ADAM17: variants seen among roughly 807,000 people sequenced by gnomAD.
ADAM17 encodes disintegrin and metalloproteinase domain-containing protein 17.
ADAM17 carries 39 observed loss-of-function variants against 96.7 expected under a neutral mutation model. The observed-to-expected ratio is 0.40, with a 90% CI of 0.31 to 0.53. ADAM17 has a LOEUF of 0.53. Ranked by LOEUF, ADAM17 falls within the 20% of genes least tolerant of loss-of-function variation. The pLI is 0.44. For missense variants in ADAM17, 777 were observed against 1,013.2 expected, an observed-to-expected ratio of 0.77 and a Z score of 3.17; for synonymous variants, 344 against 359.2, an observed-to-expected ratio of 0.96 and a Z score of 0.48.
Position 9,490,159 on chromosome 2 carries a change from GAA to G in ADAM17, c.*16_*17del. 1.3e-6 allele frequency: 2 copies of G among 1,574,286 alleles called. No individual in the cohort carries two copies. The highest frequency in any genetic ancestry group is 1.7e-6 in the Non-Finnish European group (2 of 1,151,968). On this transcript the variant is annotated 3_prime_UTR_variant, in exon 19 of 19. Coordinates refer to ENST00000310823, the MANE Select transcript of ADAM17 (RefSeq NM_003183.6). ...AAAAATATTTTGCACACTTAAGTCA[GAA>G]GAGCTGAGAACTAAATTAGCACTCT...
At chr2:9,534,788 G>T (rs899047498) in intron 4 of ADAM17, among the ~76,000 whole-genome samples, 1 of 152,036 alleles carries the variant, frequency 6.6e-6, no homozygotes, top group Non-Finnish European at 1.5e-5. Flanking sequence ...TCTATTTTCC[G>T]AATTTTGCAA....
Position 9,509,662 on chromosome 2 carries a change from A to T in ADAM17, c.1344+317T>A, listed in dbSNP as rs189052212. The stretch of plus-strand genomic sequence containing the variant: ...TGACAACTTGTAAATGAAATGACAA[A>T]TTTTTAACATAAAGCCTGAGCCCAC... On this transcript the variant is annotated intron_variant, in intron 11 of 18. Transcript: ENST00000310823. 4.9e-3 allele frequency among the ~76,000 whole-genome samples: 748 copies of T among 152,320 alleles called. 3 individuals are homozygous for T. The highest frequency in any genetic ancestry group is 6.0e-3 in the Non-Finnish European group (410 of 68,022).
chr2:9,517,858 CA>C (rs754771839), intron 10 of ADAM17, 42 bp downstream of exon 10: 8 of 1,354,026 alleles, frequency 5.9e-6, no homozygotes. Flanking sequence ...GGTTCTACTA[CA>C]ATAAACTCTA....
chr2:9,540,104 T>C (rs2125038578), intron 2 of ADAM17, among the ~76,000 whole-genome samples: 1 of 152,334 alleles, frequency 6.6e-6, no homozygotes, highest in African/African-American at 2.4e-5. Context: ...GAGAAATATG[T>C]AAGGCTATGG....
At chr2:9,538,431 G>C (rs1254116177) in intron 2 of ADAM17, among the ~76,000 whole-genome samples, 1 of 152,144 alleles carries the variant, frequency 6.6e-6, no homozygotes, top group Non-Finnish European at 1.5e-5. Flanking sequence ...AAAGGGAAAA[G>C]ACAATAGAAC....
intron 1 of ADAM17, among the ~76,000 whole-genome samples, chr2:9,550,795 C>T (rs998775631): frequency 2.7e-5 from 4 of 150,712 alleles, no homozygotes; most frequent in Non-Finnish European, 5.9e-5. Flanking sequence ...CAGTGGTTCA[C>T]GTCTGTAATC....
intron 4 of ADAM17, 56 bp downstream of exon 4, chr2:9,535,778 G>A: frequency 8.4e-7 from 1 of 1,196,604 alleles, no homozygotes; most frequent in South Asian, 1.4e-5. Context: ...GAACTGAGCA[G>A]CTTTTTGAAA....
chr2:9,550,250 T>G (rs749059337), intron 1 of ADAM17, among the ~76,000 whole-genome samples: 2 of 152,082 alleles, frequency 1.3e-5, no homozygotes, highest in Non-Finnish European at 2.9e-5. Flanking sequence ...TAAAGGAGGA[T>G]AGAGTATGAG....
chr2:9,522,416 C>T (rs1270413595), intron 7 of ADAM17: 2 of 599,736 alleles, frequency 3.3e-6, no homozygotes, highest in Non-Finnish European at 3.1e-6. Context: ...GTACTGTGTA[C>T]ATGTTACCTA....
Position 9,493,946 on chromosome 2 carries a change from T to C in ADAM17, c.1915-121A>G, listed in dbSNP as rs1662358911. The C allele has an allele frequency of 1.2e-5, 9 of 753,966 alleles. 1 individual carries two copies. The South Asian group carries it at 1.8e-4, about 15-fold the overall frequency. The allele number at this position is 753,966 out of a possible 1,614,324, so 46.7% of individuals were successfully genotyped here. A position where few individuals can be genotyped will look rare whatever the true frequency, so the allele number is the denominator to read the frequency against. On this transcript the variant is annotated intron_variant, in intron 15 of 18. Coordinates refer to ENST00000310823, the MANE Select transcript of ADAM17 (RefSeq NM_003183.6). Reference sequence around the variant, plus strand: ...CATTAAAATCAAACGTTTTCCCATCTTTGACACAAGGCAATAACTTCCGCG... The same window carrying C: ...CATTAAAATCAAACGTTTTCCCATCCTTGACACAAGGCAATAACTTCCGCG...
intron 11 of ADAM17, among the ~76,000 whole-genome samples, chr2:9,508,668 C>G (rs1224556706): frequency 6.6e-6 from 1 of 152,084 alleles, no homozygotes; most frequent in Non-Finnish European, 1.5e-5. Flanking sequence ...CAGTTTCTAG[C>G]CACATTTCAA....
At chr2:9,515,229 T>A (rs777864157) in intron 10 of ADAM17, among the ~76,000 whole-genome samples, 1 of 152,210 alleles carries the variant, frequency 6.6e-6, no homozygotes, top group Non-Finnish European at 1.5e-5. Context: ...TTGTCTTTTC[T>A]AGAATGTCAT....
intron 1 of ADAM17, among the ~76,000 whole-genome samples, chr2:9,548,710 T>A (rs560434068): frequency 6.6e-6 from 1 of 152,352 alleles, no homozygotes; most frequent in South Asian, 2.1e-4. Context: ...GTTGTGTTAC[T>A]GATGAGCCAC....
intron 11 of ADAM17, among the ~76,000 whole-genome samples, chr2:9,507,766 C>T (rs577071683): frequency 3.3e-5 from 5 of 152,192 alleles, no homozygotes; most frequent in Non-Finnish European, 5.9e-5. Context: ...GTCATCCAGG[C>T]TGGAGTGTAG....
rs1007301956 is a variant in ADAM17 at position 9,491,476 on chromosome 2, CAA to C, written c.2083-327_2083-326del. Among the ~76,000 whole-genome samples, 7 of 152,342 alleles carry C rather than the reference CAA, an allele frequency of 4.6e-5. 1 individual carries two copies. The highest frequency in any genetic ancestry group is 1.3e-4 in the Admixed American group (2 of 15,294). On this transcript the variant is annotated intron_variant, in intron 17 of 18. Coordinates refer to ENST00000310823, the MANE Select transcript of ADAM17 (RefSeq NM_003183.6). Reference sequence around the variant, plus strand: ...AGGCATCTTCCTGTGCATGAAATGACAAATGTCCCAGATGCTGGGTACACCAG... The same window carrying C: ...AGGCATCTTCCTGTGCATGAAATGACATGTCCCAGATGCTGGGTACACCAG...
In ADAM17 at chr2:9,503,130, A is replaced by ACT. The variant is rs1245786917; in HGVS notation, c.1545-856_1545-855dup. Among the ~76,000 whole-genome samples, 3 of 142,814 alleles carry ACT rather than the reference A, an allele frequency of 2.1e-5. No homozygotes were observed. The East Asian group carries it at 6.1e-4, about 29-fold the overall frequency. 93.7% of individuals were successfully genotyped at this position (142,814 alleles called of 152,430 possible). A position where few individuals can be genotyped will look rare whatever the true frequency, so the allele number is the denominator to read the frequency against. ...ACTCCAGCCTGGTCAACAGGGCGAG[A>ACT]CTCTCTCAAAAAAAAAAAAAAAGAC... On this transcript the variant is annotated intron_variant, in intron 12 of 18. Transcript: ENST00000310823.
At chr2:9,514,549 ATATATATATATATATATAT>A (rs1663946280) in intron 10 of ADAM17, among the ~76,000 whole-genome samples, 8 of 96,948 alleles carry the variant, frequency 8.3e-5, no homozygotes, top group Admixed American at 2.2e-4. Flanking sequence ...ATATATATAT[ATATATATATATATATATAT>A]AAATAAAAAG....
chr2:9,524,213 A>G (rs1252555193), intron 6 of ADAM17, among the ~76,000 whole-genome samples: 1 of 152,208 alleles, frequency 6.6e-6, no homozygotes, highest in African/African-American at 2.4e-5. Flanking sequence ...AATCAAAGTT[A>G]TACAGTGGCC....
At chr2:9,553,159 C>T (rs1049626952) in intron 1 of ADAM17, among the ~76,000 whole-genome samples, 2 of 152,118 alleles carry the variant, frequency 1.3e-5, no homozygotes, top group African/African-American at 4.8e-5. Context: ...GACTCATTTT[C>T]CTCCTCCTTT....
Sources: allele counts gnomAD v4.1 joint callset (sites outside exome capture counted in the v4.1 genomes callset), GRCh38; gene constraint gnomAD v4.1.1; transcripts MANE v1.5; gene names NCBI Gene and HGNC (gene_info 2026-07-23, HGNC 2026-07-21).